Variants in FAXC observed in about 807,000 individuals in gnomAD.
FAXC encodes the protein failed axon connections homolog.
In FAXC, 10 loss-of-function variants were observed where a neutral mutation model predicts 41.9. The observed-to-expected ratio is 0.24, with a 90% confidence interval of 0.15 to 0.41. The LOEUF (loss-of-function observed/expected upper bound fraction) is 0.41. Ranked by LOEUF, FAXC falls within the 10% of genes least tolerant of loss-of-function variation. The pLI is 1.00. For missense variants in FAXC, 399 were observed against 510.9 expected (o/e 0.78, Z 2.11); for synonymous variants, 183 against 183.8 (o/e 1.00, Z 0.03).
intron 2 of FAXC, among the ~76,000 whole-genome samples, chr6:99,340,624 C>CT (rs1773389349): frequency 6.7e-6 from 1 of 148,274 alleles, no homozygotes; most frequent in Non-Finnish European, 1.5e-5. Context: ...AGTTTGTTGC[C>CT]TAAAAAGGAT....
At chr6:99,331,515 G>A (rs918432760) in intron 3 of FAXC, among the ~76,000 whole-genome samples, 2 of 152,094 alleles carry the variant, frequency 1.3e-5, no homozygotes, top group Non-Finnish European at 2.9e-5. Context: ...CGCACACACA[G>A]AACAAAAAAT....
intron 3 of FAXC, among the ~76,000 whole-genome samples, chr6:99,331,713 G>A (rs186317619): frequency 1.3e-5 from 2 of 152,250 alleles, no homozygotes; most frequent in East Asian, 1.9e-4. Flanking sequence ...ATCAAATGAG[G>A]TAGTGCCTTG....
chr6:99,348,150 A>T lies in FAXC; in HGVS notation c.266+957T>A, dbSNP rs369111161. ...TATTGTGTAGGATTCCTCCACTGGA[A>T]TAAGGCAGTGTGGACACATTTCTCT... On this transcript the variant is annotated intron_variant, in intron 1 of 5. Coordinates refer to ENST00000389677, the MANE Select transcript of FAXC (RefSeq NM_032511.4). Among the ~76,000 whole-genome samples the T allele has an allele frequency of 6.6e-5, 10 of 152,340 alleles. No homozygotes were observed. The South Asian group carries it at 2.1e-3, about 32-fold the overall frequency.
intron 3 of FAXC, among the ~76,000 whole-genome samples, chr6:99,328,053 C>A (rs1315521166): frequency 6.6e-6 from 1 of 152,110 alleles, no homozygotes; most frequent in East Asian, 1.9e-4. Context: ...CATTAATACC[C>A]CACAGCTCCT....
chr6:99,334,372 T>C (rs1416303820), intron 2 of FAXC, among the ~76,000 whole-genome samples: 2 of 152,294 alleles, frequency 1.3e-5, no homozygotes, highest in African/African-American at 4.8e-5. Flanking sequence ...TAGAACCTCC[T>C]CTGGGTGGAA....
intron 3 of FAXC, among the ~76,000 whole-genome samples, chr6:99,330,917 A>T (rs1773004788): frequency 6.6e-6 from 1 of 152,184 alleles, no homozygotes; most frequent in Non-Finnish European, 1.5e-5. Flanking sequence ...AGAGTATCTG[A>T]AGATTCTCTG....
chr6:99,298,163 A>AG (rs1771571632), intron 4 of FAXC, among the ~76,000 whole-genome samples: 1 of 152,176 alleles, frequency 6.6e-6, no homozygotes, highest in African/African-American at 2.4e-5. Flanking sequence ...CTGAAGCTTA[A>AG]GAAGTACTGG....
intron 3 of FAXC, among the ~76,000 whole-genome samples, chr6:99,329,512 A>G (rs1043638981): frequency 6.6e-6 from 1 of 152,180 alleles, no homozygotes; most frequent in African/African-American, 2.4e-5. Context: ...ATAGGGCTAC[A>G]TCCTTGCTGT....
intron 4 of FAXC, among the ~76,000 whole-genome samples, chr6:99,322,549 C>T (rs1371126382): frequency 6.6e-6 from 1 of 152,148 alleles, no homozygotes; most frequent in Non-Finnish European, 1.5e-5. Context: ...CCAGTGAAAA[C>T]CCACCTTCTG....
chr6:99,332,879 G>A (rs1773079250), intron 3 of FAXC, among the ~76,000 whole-genome samples: 1 of 152,146 alleles, frequency 6.6e-6, no homozygotes, highest in Non-Finnish European at 1.5e-5. Context: ...CCTCAACTCA[G>A]TGAGTTCTAG....
Position 99,340,807 on chromosome 6 carries a change from T to A in FAXC, c.402+2091A>T, listed in dbSNP as rs1243249126. 2.0e-5 allele frequency among the ~76,000 whole-genome samples: 3 copies of A among 151,632 alleles called. No individual in the cohort carries two copies. In the East Asian group the frequency reaches 5.8e-4, roughly 29 times the overall value. The stretch of plus-strand genomic sequence containing the variant: ...CCTCAGCCTCCCAAGTAGCTGGGAT[T>A]ACAGGTACACACCACCACACCTGGC... On this transcript the variant is annotated intron_variant, in intron 2 of 5. Coordinates refer to ENST00000389677, the MANE Select transcript of FAXC (RefSeq NM_032511.4).
chr6:99,323,277 T>C (rs1343128211), intron 4 of FAXC, among the ~76,000 whole-genome samples, 167 bp downstream of exon 4: 2 of 152,208 alleles, frequency 1.3e-5, no homozygotes, highest in Admixed American at 6.5e-5. Flanking sequence ...GAAAGACACA[T>C]GCTTTTGAAA....
chr6:99,291,644 A>AC, intron 5 of FAXC, 60 bp downstream of exon 5: 1 of 1,182,380 alleles, frequency 8.5e-7, no homozygotes, highest in African/African-American at 1.5e-5. Flanking sequence ...CCACTGTGCT[A>AC]CCCCACTGCC....
intron 1 of FAXC, 65 bp from the exon 2 acceptor site, chr6:99,343,098 CT>C (rs1405020621): frequency 8.3e-6 from 12 of 1,448,534 alleles, no homozygotes; most frequent in Non-Finnish European, 1.0e-5. Flanking sequence ...TCCCTTATTT[CT>C]TGAGAGGACC....
At chr6:99,325,424 G>A (rs1002351018) in intron 3 of FAXC, among the ~76,000 whole-genome samples, 27 of 152,186 alleles carry the variant, frequency 1.8e-4, no homozygotes, top group African/African-American at 6.5e-4. Context: ...TGATTAGAAA[G>A]CTTTGTGTGA....
intron 2 of FAXC, among the ~76,000 whole-genome samples, chr6:99,333,797 G>GA (rs1773116495): frequency 1.3e-5 from 2 of 150,214 alleles, no homozygotes; most frequent in Non-Finnish European, 3.0e-5. Flanking sequence ...TGATGGAAAA[G>GA]GAAAAAAAAG....
chr6:99,288,740 G>A (rs531993623), intron 5 of FAXC, among the ~76,000 whole-genome samples: 4 of 152,222 alleles, frequency 2.6e-5, no homozygotes, highest in South Asian at 2.1e-4. Context: ...CCATTCCAAT[G>A]AAGTCTGATA....
intron 4 of FAXC, among the ~76,000 whole-genome samples, chr6:99,303,908 C>A (rs1771812904): frequency 6.6e-6 from 1 of 152,196 alleles, no homozygotes; most frequent in African/African-American, 2.4e-5. Context: ...TAAAGTAGAT[C>A]TTCAAAGAAA....
intron 5 of FAXC, among the ~76,000 whole-genome samples, chr6:99,286,983 G>A (rs539648491): frequency 3.0e-4 from 46 of 152,126 alleles, no homozygotes; most frequent in Non-Finnish European, 4.4e-4. Flanking sequence ...TGCCCTTTGA[G>A]ACAGTAATTA....
Sources: gnomAD v4.1 joint callset for allele counts (sites outside exome capture counted in the v4.1 genomes callset) on GRCh38, gnomAD v4.1.1 for gene constraint, MANE v1.5 for transcripts, NCBI Gene and HGNC (gene_info 2026-07-23, HGNC 2026-07-21) for gene names.